The following EPB41 variants were observed in gnomAD, a reference collection of about 807,000 sequenced individuals.
EPB41 encodes the protein erythrocyte membrane protein band 4.1, also known as protein 4.1.
A neutral mutation model predicts 108.0 loss-of-function variants in EPB41; 65 were observed. The ratio of observed to expected loss-of-function variants is 0.60; its 90% CI spans 0.49 to 0.74. EPB41 has a LOEUF of 0.74. Among genes scored for constraint, EPB41 ranks in the 30% least tolerant of loss-of-function variants. EPB41 has a pLI of 0.00. For missense variants in EPB41, 875 were observed against 1,037.0 expected, an observed-to-expected ratio of 0.84 and a Z score of 2.15; for synonymous variants, 336 against 358.9, an observed-to-expected ratio of 0.94 and a Z score of 0.72.
intron 1 of EPB41, among the ~76,000 whole-genome samples, chr1:28,971,343 C>T (rs924585549): frequency 2.0e-5 from 3 of 151,810 alleles, no homozygotes; most frequent in African/African-American, 7.3e-5. Context: ...GCCACCATGC[C>T]TGGCTAATTT....
chr1:28,931,604 C>A (rs1334586169), intron 1 of EPB41, among the ~76,000 whole-genome samples: 1 of 150,810 alleles, frequency 6.6e-6, no homozygotes, highest in Non-Finnish European at 1.5e-5. Flanking sequence ...TCTCGGCTTA[C>A]TGCAACCTCC....
Position 29,069,188 on chromosome 1 carries a change from A to G in EPB41, c.2184+4030A>G, listed in dbSNP as rs1463776679. On this transcript the variant is annotated intron_variant, in intron 16 of 20. Transcript: ENST00000343067. ...CAGTCCCCTAGCTACTTTCTCCCTG[A>G]TACATATCACTTAGGGGTGTGCAAA... The G allele has an allele frequency of 2.1e-5, 26 of 1,231,096 alleles. No individual in the cohort carries two copies. In the East Asian group the frequency reaches 5.1e-4, roughly 24 times the overall value. The allele number at this position is 1,231,096 out of a possible 1,614,324, so 76.3% of individuals were successfully genotyped here. A position where few individuals can be genotyped will look rare whatever the true frequency, so the allele number is the denominator to read the frequency against.
intron 1 of EPB41, among the ~76,000 whole-genome samples, chr1:28,903,279 G>T (rs777146278): frequency 2.0e-4 from 30 of 151,388 alleles, no homozygotes; most frequent in Non-Finnish European, 4.0e-4. Flanking sequence ...GGTGATCTTG[G>T]ACAAGTTTTT....
chr1:29,086,776 T>A (rs1659113732), intron 16 of EPB41, among the ~76,000 whole-genome samples: 1 of 152,104 alleles, frequency 6.6e-6, no homozygotes. Flanking sequence ...GTAAAATTGG[T>A]CTTCACTAAG....
At chr1:29,041,299 G>A (rs1426346451) in intron 11 of EPB41, 3 of 151,238 alleles carry the variant, frequency 2.0e-5, no homozygotes, top group African/African-American at 7.3e-5. Flanking sequence ...AGCGAACAGG[G>A]CGCAACCCTG....
rs545505990 is a variant in EPB41 at position 29,094,765 on chromosome 1, T to G, written c.2185-3042T>G. ...CCTTTCTTTTAACTTTAGGAATAGG[T>G]CCATCTACTGGGATGGTATCTTCTC... is the stretch of plus-strand genomic sequence containing the variant. On this transcript the variant is annotated intron_variant, in intron 16 of 20. Transcript: ENST00000343067. Among the ~76,000 whole-genome samples, 4 of 152,314 alleles carry G rather than the reference T, an allele frequency of 2.6e-5. No individual in the cohort carries two copies. The South Asian group carries it at 8.3e-4, about 32-fold the overall frequency.
intron 4 of EPB41, 146 bp from the exon 5 acceptor site, chr1:29,011,719 C>T (rs2096504851): frequency 2.3e-6 from 2 of 878,644 alleles, no homozygotes; most frequent in Non-Finnish European, 3.5e-6. Flanking sequence ...AATCACTATG[C>T]TTTGTGAAAT....
At position 28,997,197 on chromosome 1, in the gene EPB41, T is replaced by C. The variant is rs1286698134; in HGVS notation, c.682-18T>C. ...AAGAAGAAACCTCAACTCAACTAAGTCACGTATATCTTTGCAGAAACATGC... is the reference window on the plus strand; with the variant it reads ...AAGAAGAAACCTCAACTCAACTAAGCCACGTATATCTTTGCAGAAACATGC... On this transcript the variant is annotated intron_variant, in intron 3 of 20. Transcript: ENST00000343067. The C allele has an allele frequency of 6.4e-7, 1 of 1,560,730 alleles. No homozygotes were observed. The highest frequency in any genetic ancestry group is 1.1e-5 in the South Asian group (1 of 90,010).
intron 1 of EPB41, among the ~76,000 whole-genome samples, chr1:28,923,101 CTT>C (rs923495940): frequency 2.3e-5 from 3 of 132,110 alleles, no homozygotes; most frequent in Non-Finnish European, 3.1e-5. Context: ...TCTTTCCTTT[CTT>C]TTCTTTTCTT....
intron 16 of EPB41, among the ~76,000 whole-genome samples, chr1:29,082,316 G>A (rs1164265702): frequency 6.6e-6 from 1 of 152,232 alleles, no homozygotes; most frequent in South Asian, 2.1e-4. Context: ...TAGAGATGGG[G>A]TTTCACCAGG....
At chr1:29,075,540 G>C (rs1178791443) in intron 16 of EPB41, among the ~76,000 whole-genome samples, 1 of 152,098 alleles carries the variant, frequency 6.6e-6, no homozygotes, top group Non-Finnish European at 1.5e-5. Context: ...ATCCTGTTTT[G>C]GGTAAATGAT....
chr1:29,112,514 AGTTT>A, intron 19 of EPB41, 66 bp downstream of exon 19: 3 of 1,323,992 alleles, frequency 2.3e-6, no homozygotes, highest in East Asian at 2.3e-5. Flanking sequence ...TGAATACAGG[AGTTT>A]GTTTGCCATC....
intron 1 of EPB41, among the ~76,000 whole-genome samples, chr1:28,900,321 T>G (rs1570119831): frequency 6.6e-6 from 1 of 150,494 alleles, no homozygotes; most frequent in Non-Finnish European, 1.5e-5. Flanking sequence ...GGAGTCTCCT[T>G]CTATCACCCA....
chr1:28,975,297 G>C (rs1302276686), intron 1 of EPB41, among the ~76,000 whole-genome samples: 1 of 152,094 alleles, frequency 6.6e-6, no homozygotes, highest in Non-Finnish European at 1.5e-5. Context: ...AATGCCTTTA[G>C]GATCTGATAT....
intron 1 of EPB41, 115 bp downstream of exon 1, chr1:28,914,883 C>G (rs979542648): frequency 6.6e-6 from 1 of 150,652 alleles, no homozygotes. Context: ...CTGCAACCCC[C>G]GACAGGCCCC....
chr1:28,966,529 G>A (rs2095360834), intron 1 of EPB41, among the ~76,000 whole-genome samples: 1 of 152,194 alleles, frequency 6.6e-6, no homozygotes, highest in African/African-American at 2.4e-5. Flanking sequence ...TCTAGTGGGG[G>A]TAGACAAACA....
intron 1 of EPB41, among the ~76,000 whole-genome samples, chr1:28,945,748 G>A (rs1462777973): frequency 1.3e-5 from 2 of 152,190 alleles, no homozygotes; most frequent in African/African-American, 2.4e-5. Flanking sequence ...TTTCTCTTGT[G>A]TATTTTGGTG....
rs1574160003 is a variant in EPB41, at chr1:29,119,634, G to A, written c.*2822G>A. 1.3e-5 allele frequency: 2 copies of A among 152,484 alleles called. No individual in the cohort carries two copies. The highest frequency in any genetic ancestry group is 2.9e-5 in the Non-Finnish European group (2 of 68,288). The allele number at this position is 152,484 out of a possible 1,614,324, so 9.4% of individuals were successfully genotyped here. On this transcript the variant is annotated 3_prime_UTR_variant, in exon 21 of 21. Coordinates refer to ENST00000343067, the MANE Select transcript of EPB41 (RefSeq NM_001376013.1). Reference sequence around the variant, plus strand: ...CTGGGCCCATCAGTGTGTGTTGGGGGGATGCTTGGCAGCTGGGGGTGAGGA... The same window carrying A: ...CTGGGCCCATCAGTGTGTGTTGGGGAGATGCTTGGCAGCTGGGGGTGAGGA...
intron 4 of EPB41, among the ~76,000 whole-genome samples, chr1:29,001,685 A>T (rs917919095): frequency 6.6e-6 from 1 of 152,164 alleles, no homozygotes; most frequent in African/African-American, 2.4e-5. Context: ...ATTGTCTTCT[A>T]GTTTCCAGTG....
Sources: allele counts gnomAD v4.1 joint callset (sites outside exome capture counted in the v4.1 genomes callset), GRCh38; gene constraint gnomAD v4.1.1; transcripts MANE v1.5; gene names NCBI Gene and HGNC (gene_info 2026-07-23, HGNC 2026-07-21).